Variants in ADRA1B observed in about 807,000 individuals in gnomAD.
ADRA1B encodes the protein alpha-1B adrenergic receptor.
In ADRA1B, 17 loss-of-function variants were observed where a neutral mutation model predicts 17.9. The ratio of observed to expected loss-of-function variants is 0.95; its 90% confidence interval spans 0.65 to 1.42. The LOEUF (loss-of-function observed/expected upper bound fraction) is 1.42, where lower values mean the gene tolerates loss of function less well. Among genes scored for constraint, ADRA1B ranks in the 40% most tolerant of loss-of-function variants. The pLI is 0.00. For missense variants in ADRA1B, 681 were observed against 722.1 expected (o/e 0.94, Z 0.65); for synonymous variants, 366 against 327.6 (o/e 1.12, Z -1.27).
chr5:159,972,049 C>A lies in ADRA1B; in HGVS notation c.1120C>A (p.Arg374=). Residue 374 remains arginine (R), a synonymous_variant, in exon 2 of 2, where the codon CGA becomes AGA. Transcript: ENST00000306675. ...CCAGTGCCGCGGCCGCGGCCGCCGCCGACGCCGCCGCCGCCGTCGCCTGGG... is the reference window on the plus strand; with the variant it reads ...CCAGTGCCGCGGCCGCGGCCGCCGCAGACGCCGCCGCCGCCGTCGCCTGGG... The part of the protein sequence containing the change: ...GCQCRGRGRR[R]RRRRRRLGGC... 1 of 1,357,658 alleles carries A rather than the reference C, an allele frequency of 7.4e-7. No individual in the cohort carries two copies. The highest frequency in any genetic ancestry group is 2.1e-5 in the South Asian group (1 of 47,938). The allele number at this position is 1,357,658 out of a possible 1,614,324, so 84.1% of individuals were successfully genotyped here.
intron 1 of ADRA1B, among the ~76,000 whole-genome samples, chr5:159,899,103 T>C (rs1024130709): frequency 1.3e-4 from 20 of 150,164 alleles, no homozygotes; most frequent in African/African-American, 4.4e-4. Flanking sequence ...GCCTTGATCA[T>C]GCCACTGCAC....
chr5:159,922,885 T>C (rs1355175836), intron 1 of ADRA1B, among the ~76,000 whole-genome samples: 1 of 152,270 alleles, frequency 6.6e-6, no homozygotes, highest in Non-Finnish European at 1.5e-5. Flanking sequence ...AAAACACACA[T>C]GCACAAACAA....
chr5:159,893,327 A>G (rs1181710793), intron 1 of ADRA1B, among the ~76,000 whole-genome samples: 1 of 17,922 alleles, frequency 5.6e-5, no homozygotes, highest in Non-Finnish European at 1.5e-4. Context: ...CTCTCTGTAA[A>G]GCGGGAATAA....
At chr5:159,946,029 G>A (rs1755264409) in intron 1 of ADRA1B, among the ~76,000 whole-genome samples, 1 of 152,336 alleles carries the variant, frequency 6.6e-6, no homozygotes, top group East Asian at 1.9e-4. Context: ...TTACAGGCGT[G>A]AGCCACCGCG....
chr5:159,985,887 G>A, the ADRA1B span, among the ~76,000 whole-genome samples: 1 of 152,174 alleles, frequency 6.6e-6, no homozygotes, highest in Non-Finnish European at 1.5e-5. Flanking sequence ...AGCCCTTGAG[G>A]CTTTGCAACT....
chr5:159,878,476 T>C (rs1272289995), intron 1 of ADRA1B, among the ~76,000 whole-genome samples: 2 of 152,222 alleles, frequency 1.3e-5, no homozygotes, highest in East Asian at 3.8e-4. Context: ...CTGGATTCCC[T>C]GTTTTCCGCG....
chr5:159,924,781 T>C (rs555449124), intron 1 of ADRA1B, among the ~76,000 whole-genome samples: 4 of 152,222 alleles, frequency 2.6e-5, no homozygotes, highest in Non-Finnish European at 5.9e-5. Flanking sequence ...AAATAACTGA[T>C]GTCTGCTGGG....
chr5:159,931,809 C>G (rs1229996679), intron 1 of ADRA1B, among the ~76,000 whole-genome samples: 1 of 152,194 alleles, frequency 6.6e-6, no homozygotes, highest in African/African-American at 2.4e-5. Flanking sequence ...AACAGGCTCT[C>G]GAATGCCTCT....
At chr5:159,939,316 T>TGCGCGC (rs1432415323) in intron 1 of ADRA1B, among the ~76,000 whole-genome samples, 4 of 119,534 alleles carry the variant, frequency 3.3e-5, no homozygotes, top group East Asian at 4.9e-4. Flanking sequence ...TGTGTGTGTG[T>TGCGCGC]GTGTGTGCGC....
intron 1 of ADRA1B, among the ~76,000 whole-genome samples, chr5:159,929,644 C>T (rs1480224598): frequency 1.3e-5 from 2 of 151,892 alleles, no homozygotes; most frequent in Non-Finnish European, 2.9e-5. Context: ...GGAACTTGGA[C>T]CGTGCCATCA....
the ADRA1B span, among the ~76,000 whole-genome samples, chr5:159,984,409 G>C: frequency 3.9e-5 from 6 of 152,076 alleles, no homozygotes; most frequent in African/African-American, 1.2e-4. Flanking sequence ...CTTGACTTCT[G>C]TCTGACCCTT....
chr5:159,913,830 G>A (rs1218358061), upstream of ADRA1B, among the ~76,000 whole-genome samples: 2 of 152,030 alleles, frequency 1.3e-5, no homozygotes, highest in African/African-American at 4.8e-5. Flanking sequence ...GTGGGAAATG[G>A]GCCACCACAA....
intron 1 of ADRA1B, among the ~76,000 whole-genome samples, chr5:159,876,501 C>A (rs929859732): frequency 3.9e-5 from 6 of 152,216 alleles, no homozygotes; most frequent in Non-Finnish European, 8.8e-5. Flanking sequence ...ACATGACCAT[C>A]CCTAACCCAA....
chr5:159,872,275 C>T (rs1267992556), intron 1 of ADRA1B, among the ~76,000 whole-genome samples: 1 of 152,136 alleles, frequency 6.6e-6, no homozygotes, highest in Non-Finnish European at 1.5e-5. Context: ...GATGCAGCTG[C>T]TGCTGGGGAC....
intron 1 of ADRA1B, among the ~76,000 whole-genome samples, chr5:159,962,837 A>ATTTTT (rs756263225): frequency 2.3e-5 from 1 of 43,010 alleles, no homozygotes; most frequent in South Asian, 9.4e-4. Context: ...ACACCTGGCT[A>ATTTTT]TTTTTTTTTT....
chr5:159,952,668 T>A (rs72810112), intron 1 of ADRA1B, among the ~76,000 whole-genome samples: 7,419 of 152,284 alleles, frequency 0.049, 235 homozygotes, highest in East Asian at 0.13. Flanking sequence ...TTGTGTTGGG[T>A]ATGAATGAGA....
chr5:159,963,974 C>T (rs1755726944), intron 1 of ADRA1B, among the ~76,000 whole-genome samples: 1 of 152,154 alleles, frequency 6.6e-6, no homozygotes, highest in Admixed American at 6.5e-5. Flanking sequence ...CCCTCCTCCC[C>T]TCACCACCCC....
intron 1 of ADRA1B, among the ~76,000 whole-genome samples, chr5:159,926,684 C>T (rs879841349): frequency 6.6e-6 from 1 of 151,952 alleles, no homozygotes; most frequent in Admixed American, 6.6e-5. Context: ...GTCGGGAGTT[C>T]GAGACCAGGC....
chr5:159,947,804 C>T (rs1032717848), intron 1 of ADRA1B: 4 of 985,246 alleles, frequency 4.1e-6, no homozygotes, highest in African/African-American at 1.7e-5. Flanking sequence ...GTGAGGGACA[C>T]GGGAGCTACA....
Sources: allele counts gnomAD v4.1 joint callset (sites outside exome capture counted in the v4.1 genomes callset), GRCh38; gene constraint gnomAD v4.1.1; transcripts MANE v1.5; gene names NCBI Gene and HGNC (gene_info 2026-07-23, HGNC 2026-07-21).